RAPGEF5: variants seen among roughly 807,000 people sequenced by gnomAD.
The protein encoded by RAPGEF5 is Rap guanine nucleotide exchange factor 5.
A neutral mutation model predicts 125.2 loss-of-function variants in RAPGEF5; 65 were observed. The ratio of observed to expected loss-of-function variants is 0.52; its 90% CI spans 0.43 to 0.64. The LOEUF (loss-of-function observed/expected upper bound fraction) is 0.64, where lower values mean the gene tolerates loss of function less well. RAPGEF5 is among the 30% of genes least tolerant of loss of function. The pLI, the probability that RAPGEF5 is intolerant of heterozygous loss-of-function variation, is 0.00. For synonymous variants in RAPGEF5, 391 were observed against 385.9 expected, an observed-to-expected ratio of 1.01 and a Z score of -0.16; for missense variants, 958 against 1,048.1, an observed-to-expected ratio of 0.91 and a Z score of 1.19.
Position 22,284,151 on chromosome 7 carries a change from C to T in RAPGEF5, c.747+7024G>A, listed in dbSNP as rs536456749. On this transcript the variant is annotated intron_variant, in intron 6 of 25. Coordinates refer to ENST00000665637, the MANE Select transcript of RAPGEF5 (RefSeq NM_012294.5). Reference sequence around the variant, plus strand: ...GGGATCTATTACCAGGACGAAGATACGTAATAGACAGAACATATAAGAATT... The same window carrying T: ...GGGATCTATTACCAGGACGAAGATATGTAATAGACAGAACATATAAGAATT... 6.7e-4 allele frequency among the ~76,000 whole-genome samples: 101 copies of T among 151,870 alleles called. 1 individual carries two copies. The highest frequency in any genetic ancestry group is 4.2e-4 in the South Asian group (2 of 4,798).
At chr7:22,297,914 G>T (rs2128149300) in intron 5 of RAPGEF5, among the ~76,000 whole-genome samples, 1 of 152,092 alleles carries the variant, frequency 6.6e-6, no homozygotes, top group South Asian at 2.1e-4. Context: ...ATCAGATTGA[G>T]GAAGTTCTCT....
intron 6 of RAPGEF5, among the ~76,000 whole-genome samples, chr7:22,270,236 G>C (rs901561421): frequency 6.6e-6 from 1 of 152,130 alleles, no homozygotes; most frequent in African/African-American, 2.4e-5. Flanking sequence ...GCTTCTCAGG[G>C]CTGCTCTCTG....
chr7:22,156,247 T>TA (rs1449702517), intron 16 of RAPGEF5, among the ~76,000 whole-genome samples: 3 of 152,240 alleles, frequency 2.0e-5, no homozygotes, highest in Admixed American at 2.0e-4. Flanking sequence ...AATCTTTATC[T>TA]AAAAGGAGAA....
At chr7:22,323,202 T>C (rs1328671777) in intron 1 of RAPGEF5, among the ~76,000 whole-genome samples, 1 of 152,350 alleles carries the variant, frequency 6.6e-6, no homozygotes, top group East Asian at 1.9e-4. Context: ...GTCTACCCTT[T>C]TAATGGCATC....
intron 21 of RAPGEF5, 81 bp from the exon 22 acceptor site, chr7:22,137,064 G>GA (rs1191304136): frequency 4.8e-6 from 5 of 1,034,784 alleles, no homozygotes; most frequent in Non-Finnish European, 4.3e-6. Flanking sequence ...TTTTCATTAC[G>GA]TTGTTTATCT....
Position 22,157,876 on chromosome 7 carries a change from A to T in RAPGEF5, c.1536T>A (p.Asp512Glu), listed in dbSNP as rs771703034. 6 of 1,612,156 alleles carry T rather than the reference A, an allele frequency of 3.7e-6. No homozygotes were observed. The Admixed American group carries it at 1.0e-4, about 27-fold the overall frequency. ...ILGMHRRHTVDEYSPQKKNKA... is the reference protein window; with the variant it reads ...ILGMHRRHTVEEYSPQKKNKA... ...TTACCTTTTTTTGTGGTGAATATTC[A>T]TCTACAGTGCTGAAAGGAAAAATGG... The change falls in exon 15 of 26, where the codon GAT (aspartate) becomes GAA (glutamate). Residue 512 changes from aspartate to glutamate, a missense_variant. Coordinates refer to ENST00000665637, the MANE Select transcript of RAPGEF5 (RefSeq NM_012294.5).
At chr7:22,265,129 ATCT>A (rs1472505542) in intron 7 of RAPGEF5, among the ~76,000 whole-genome samples, 1 of 152,118 alleles carries the variant, frequency 6.6e-6, no homozygotes, top group Non-Finnish European at 1.5e-5. Context: ...AACATTTCAA[ATCT>A]TCTTCTCTCG....
chr7:22,155,173 G>A (rs1253191771), intron 16 of RAPGEF5, among the ~76,000 whole-genome samples: 3 of 152,120 alleles, frequency 2.0e-5, no homozygotes, highest in Non-Finnish European at 4.4e-5. Flanking sequence ...ATTTAAGAAT[G>A]ACTCCATTTC....
At chr7:22,196,541 G>A (rs1785151018) in intron 9 of RAPGEF5, among the ~76,000 whole-genome samples, 1 of 152,208 alleles carries the variant, frequency 6.6e-6, no homozygotes. Context: ...GAAAATGAGT[G>A]AGGCAAGTAC....
intron 1 of RAPGEF5, among the ~76,000 whole-genome samples, chr7:22,343,794 C>A (rs1784172341): frequency 6.6e-6 from 1 of 152,026 alleles, no homozygotes; most frequent in Non-Finnish European, 1.5e-5. Context: ...TTTTGGCAGG[C>A]ATTTCAGAAC....
intron 11 of RAPGEF5, chr7:22,192,176 A>G (rs1942451028): frequency 6.5e-6 from 1 of 152,992 alleles, no homozygotes; most frequent in Non-Finnish European, 1.5e-5. Flanking sequence ...TGCCAAGAGA[A>G]TATGTTTTTC....
chr7:22,183,665 T>C (rs1378971760), intron 11 of RAPGEF5, among the ~76,000 whole-genome samples: 14 of 152,048 alleles, frequency 9.2e-5, no homozygotes, highest in Admixed American at 9.2e-4. Context: ...AAAACCGGGG[T>C]TCAGGGGTTG....
Position 22,237,064 on chromosome 7 carries a change from C to T in RAPGEF5, c.797-6145G>A, listed in dbSNP as rs1786210300. On this transcript the variant is annotated intron_variant, in intron 7 of 25. Transcript: ENST00000665637. ...CCTGGAATGCCCTTGTCCCTGCCTT[C>T]ACCAGGTGAAATTACTCTTGTCCAC... Among the ~76,000 whole-genome samples, 4 of 150,056 alleles carry T rather than the reference C, an allele frequency of 2.7e-5. No individual in the cohort carries two copies. In the South Asian group the frequency reaches 8.4e-4, roughly 31 times the overall value.
intron 5 of RAPGEF5, among the ~76,000 whole-genome samples, chr7:22,299,774 C>T (rs1043705016): frequency 3.3e-5 from 5 of 151,922 alleles, no homozygotes. Context: ...TTCTTTCTCC[C>T]CCCTCCACCC....
At chr7:22,185,911 G>A (rs1784811416) in intron 11 of RAPGEF5, among the ~76,000 whole-genome samples, 1 of 151,824 alleles carries the variant, frequency 6.6e-6, no homozygotes, top group Admixed American at 6.6e-5. Context: ...CTGGACTGCA[G>A]TGGTGCGATC....
chr7:22,291,115 TTCTAGGA>T, intron 6 of RAPGEF5, 53 bp downstream of exon 6: 1 of 1,503,452 alleles, frequency 6.7e-7, no homozygotes, highest in Non-Finnish European at 8.9e-7. Context: ...AGAACTTCCC[TTCTAGGA>T]CCCCAGCTTC....
chr7:22,236,179 T>C (rs969258496), intron 7 of RAPGEF5, among the ~76,000 whole-genome samples: 26 of 152,162 alleles, frequency 1.7e-4, no homozygotes, highest in African/African-American at 6.3e-4. Context: ...CCTCAAATCT[T>C]CTAAAAATGC....
intron 9 of RAPGEF5, among the ~76,000 whole-genome samples, chr7:22,206,856 A>G (rs1562761426): frequency 6.6e-6 from 1 of 152,182 alleles, no homozygotes; most frequent in Non-Finnish European, 1.5e-5. Flanking sequence ...TAGGAAACAA[A>G]CTAAGTAGAA....
chr7:22,165,345 A>G (rs1403045638), intron 12 of RAPGEF5, among the ~76,000 whole-genome samples: 13 of 152,194 alleles, frequency 8.5e-5, no homozygotes, highest in Non-Finnish European at 1.3e-4. Context: ...CTCATTTGTT[A>G]TAAGTATATT....
Sources: gnomAD v4.1 joint callset for allele counts (sites outside exome capture counted in the v4.1 genomes callset) on GRCh38, gnomAD v4.1.1 for gene constraint, MANE v1.5 for transcripts, NCBI Gene and HGNC (gene_info 2026-07-23, HGNC 2026-07-21) for gene names.